UNC13C: variants seen among roughly 807,000 people sequenced by gnomAD.
The protein encoded by UNC13C is protein unc-13 homolog C.
A neutral mutation model predicts 245.4 loss-of-function variants in UNC13C; 174 were observed. The ratio of observed to expected loss-of-function variants is 0.71; its 90% CI spans 0.63 to 0.80. UNC13C has a LOEUF of 0.80. UNC13C is among the 30% of genes least tolerant of loss of function. The pLI, the probability that UNC13C is intolerant of heterozygous loss-of-function variation, is 0.00. For synonymous variants in UNC13C, 992 were observed against 895.1 expected (o/e 1.11, Z -1.93); for missense variants, 2,829 against 2,602.9 (o/e 1.09, Z -1.89).
chr15:54,321,394 G>A, intron 13 of UNC13C: 1 of 493,052 alleles, frequency 2.0e-6, no homozygotes, highest in South Asian at 1.5e-5. Context: ...CCTGGTCTTT[G>A]AGAATCTTCT....
chr15:53,976,477 C>CTTTTTTTTTTTTTTT (rs10682648), upstream of UNC13C, among the ~76,000 whole-genome samples: 1,462 of 62,786 alleles, frequency 0.023, 250 homozygotes, highest in Non-Finnish European at 0.034. Context: ...CTCTCTCTCT[C>CTTTTTTTTTTTTTTT]TTTTTTTTTT....
At chr15:53,997,155 T>A (rs1036266843) in intron 1 of UNC13C, among the ~76,000 whole-genome samples, 9 of 152,224 alleles carry the variant, frequency 5.9e-5, no homozygotes, top group Non-Finnish European at 1.0e-4. Context: ...TTGTATTTTC[T>A]TTATAATTAA....
chr15:54,359,290 T>C (rs2140860157), intron 17 of UNC13C, among the ~76,000 whole-genome samples: 1 of 152,126 alleles, frequency 6.6e-6, no homozygotes, highest in South Asian at 2.1e-4. Context: ...TCTTTTTTTG[T>C]TGTATCATTG....
intron 4 of UNC13C, among the ~76,000 whole-genome samples, chr15:54,203,589 A>G (rs192760402): frequency 9.5e-5 from 14 of 147,862 alleles, no homozygotes; most frequent in Non-Finnish European, 1.8e-4. Flanking sequence ...TGTGTATTCG[A>G]TATATTTTAT....
chr15:54,019,975 C>T (rs895254731), intron 2 of UNC13C, among the ~76,000 whole-genome samples: 1 of 152,092 alleles, frequency 6.6e-6, no homozygotes, highest in Non-Finnish European at 1.5e-5. Context: ...GTAATATATG[C>T]CCTTTAATAA....
intron 4 of UNC13C, among the ~76,000 whole-genome samples, chr15:54,154,650 G>T (rs774332710): frequency 3.9e-5 from 6 of 152,134 alleles, no homozygotes; most frequent in African/African-American, 1.4e-4. Context: ...GCAACATATA[G>T]ATATGAGGAG....
chr15:54,351,350 T>C (rs928209513), intron 17 of UNC13C, among the ~76,000 whole-genome samples: 1 of 152,180 alleles, frequency 6.6e-6, no homozygotes, highest in African/African-American at 2.4e-5. Flanking sequence ...GATTCTGATA[T>C]TCTATTTACT....
the UNC13C span, among the ~76,000 whole-genome samples, chr15:53,931,468 C>G: frequency 6.6e-6 from 1 of 152,032 alleles, no homozygotes; most frequent in African/African-American, 2.4e-5. Context: ...TGCGCTTGGC[C>G]TTTTTTGGCT....
At chr15:54,576,029 C>T (rs1196518431) in intron 30 of UNC13C, among the ~76,000 whole-genome samples, 1 of 152,090 alleles carries the variant, frequency 6.6e-6, no homozygotes, top group African/African-American at 2.4e-5. Flanking sequence ...GATGTTGACT[C>T]CAAAAGTAGA....
chr15:54,066,054 T>C (rs1333874389), intron 2 of UNC13C, among the ~76,000 whole-genome samples: 4 of 152,258 alleles, frequency 2.6e-5, no homozygotes, highest in Non-Finnish European at 5.9e-5. Context: ...ATGACTTTGA[T>C]ATTACTTCAG....
intron 17 of UNC13C, among the ~76,000 whole-genome samples, chr15:54,391,044 T>G (rs1475049261): frequency 6.6e-6 from 1 of 152,134 alleles, no homozygotes; most frequent in Admixed American, 6.5e-5. Flanking sequence ...GAAGTACAAT[T>G]TGCGACAGGT....
intron 4 of UNC13C, among the ~76,000 whole-genome samples, chr15:54,218,106 C>T (rs1324947559): frequency 6.6e-6 from 1 of 151,832 alleles, no homozygotes; most frequent in African/African-American, 2.4e-5. Flanking sequence ...AAACAAAATG[C>T]AGTTTTATAG....
chr15:53,937,663 C>A, the UNC13C span, among the ~76,000 whole-genome samples: 1 of 152,152 alleles, frequency 6.6e-6, no homozygotes, highest in African/African-American at 2.4e-5. Flanking sequence ...AAAGGGAAAT[C>A]CATCAGACTA....
intron 14 of UNC13C, among the ~76,000 whole-genome samples, chr15:54,324,059 A>T (rs2038232768): frequency 6.6e-6 from 1 of 152,056 alleles, no homozygotes; most frequent in Admixed American, 6.6e-5. Context: ...TCCTTTTGTA[A>T]ATCCAATAAC....
intron 19 of UNC13C, among the ~76,000 whole-genome samples, chr15:54,427,424 A>C (rs1247842788): frequency 6.6e-6 from 1 of 151,826 alleles, no homozygotes; most frequent in Admixed American, 6.6e-5. Context: ...AGCTATGTGA[A>C]ACTATAAGTC....
At chr15:53,904,111 A>G in the UNC13C span, among the ~76,000 whole-genome samples, 5 of 152,156 alleles carry the variant, frequency 3.3e-5, no homozygotes, top group Non-Finnish European at 7.4e-5. Context: ...AAGGCTTAGA[A>G]TTATGATTTT....
intron 29 of UNC13C, among the ~76,000 whole-genome samples, chr15:54,557,487 T>TTTGGTAGGACA (rs1897137261): frequency 6.6e-6 from 1 of 151,894 alleles, no homozygotes; most frequent in South Asian, 2.1e-4. Flanking sequence ...AAACATTAAT[T>TTTGGTAGGACA]GTGAGATTGA....
rs562475554 is a variant in UNC13C at position 54,433,719 on chromosome 15, G to A, written c.4933+18652G>A. Among the ~76,000 whole-genome samples the A allele has an allele frequency of 2.2e-4, 33 of 152,166 alleles. No individual in the cohort carries two copies. The South Asian group carries it at 6.4e-3, about 30-fold the overall frequency. On this transcript the variant is annotated intron_variant, in intron 19 of 32. Coordinates refer to ENST00000260323, the MANE Select transcript of UNC13C (RefSeq NM_001080534.3). ...CACCGCTTTTATTCAACGTAGTATT[G>A]GAAGTTCTGGCCAGGGCAATCAGAT...
At chr15:54,151,224 C>T (rs1306551641) in intron 4 of UNC13C, among the ~76,000 whole-genome samples, 1 of 151,974 alleles carries the variant, frequency 6.6e-6, no homozygotes, top group Non-Finnish European at 1.5e-5. Flanking sequence ...AACCTGATGT[C>T]TATTGTAATA....
Sources: gnomAD v4.1 joint callset for allele counts (sites outside exome capture counted in the v4.1 genomes callset) on GRCh38, gnomAD v4.1.1 for gene constraint, MANE v1.5 for transcripts, NCBI Gene and HGNC (gene_info 2026-07-23, HGNC 2026-07-21) for gene names.